The following DACT2 variants were observed in gnomAD, a reference collection of about 807,000 sequenced individuals.
DACT2 encodes the protein dapper homolog 2.
In DACT2, 20 loss-of-function variants were observed where a neutral mutation model predicts 22.2. The ratio of observed to expected loss-of-function variants is 0.90; its 90% CI spans 0.63 to 1.31. The LOEUF is 1.31. Among genes scored for constraint, DACT2 ranks in the 50% most tolerant of loss-of-function variants. DACT2 has a pLI of 0.00. For missense variants in DACT2, 1,048 were observed against 1,061.4 expected (o/e 0.99, Z 0.18); for synonymous variants, 463 against 479.8 (o/e 0.96, Z 0.46).
Position 168,309,403 on chromosome 6 carries a change from G to A in DACT2, c.659-305C>T, listed in dbSNP as rs566553924. Among the ~76,000 whole-genome samples, 266 of 152,122 alleles carry A rather than the reference G, an allele frequency of 1.7e-3. 2 individuals carry two copies. The highest frequency in any genetic ancestry group is 0.016 in the South Asian group (76 of 4,822). Reference sequence around the variant, plus strand: ...TGGGGCCCGTCTGCATCTAGACACCGCACAGGGCCGTTTGCGTGTAGACAC... The same window carrying A: ...TGGGGCCCGTCTGCATCTAGACACCACACAGGGCCGTTTGCGTGTAGACAC... On this transcript the variant is annotated intron_variant, in intron 3 of 3. Coordinates refer to ENST00000366795, the MANE Select transcript of DACT2 (RefSeq NM_214462.5).
chr6:168,312,918 C>T (rs1048380898), intron 1 of DACT2, among the ~76,000 whole-genome samples: 6 of 152,158 alleles, frequency 3.9e-5, no homozygotes, highest in Admixed American at 1.3e-4. Context: ...ACTATCAGCA[C>T]GGGTGAGGGG....
downstream of DACT2, among the ~76,000 whole-genome samples, chr6:168,304,193 C>T (rs1779158880): frequency 6.6e-6 from 1 of 152,224 alleles, no homozygotes; most frequent in Non-Finnish European, 1.5e-5. Context: ...AGGCCACGCT[C>T]TGCCTTAGTG....
intron 3 of DACT2, chr6:168,298,660 C>T (rs1341186449): frequency 6.6e-6 from 1 of 152,202 alleles, no homozygotes; most frequent in Non-Finnish European, 1.5e-5. Context: ...AATGACCTAG[C>T]GTAGCTACTG....
chr6:168,307,849 G>T lies in DACT2; in HGVS notation c.1908C>A (p.Ala636=). The T allele has an allele frequency of 6.5e-7, 1 of 1,538,176 alleles. No homozygotes were observed. ...GGGCCAGTGGGCCACCTGCTCTCCTGGCCACGGGCCTGGGGGGCCCCAGGT... is the reference window on the plus strand; with the variant it reads ...GGGCCAGTGGGCCACCTGCTCTCCTTGCCACGGGCCTGGGGGGCCCCAGGT... ...ESNLGPPRPV[A]RRAGGPLARG... is the part of the protein sequence containing the mutation. Residue 636 remains alanine, a synonymous_variant, in exon 4 of 4, where the codon GCC becomes GCA. Coordinates refer to ENST00000366795, the MANE Select transcript of DACT2 (RefSeq NM_214462.5). The surrounding 1 kb of genome is among the most constrained non-coding windows in gnomAD (Gnocchi z 5.3).
chr6:168,310,198 C>T lies in DACT2; in HGVS notation c.628G>A (p.Gly210Ser). 1 of 1,550,664 alleles carries T rather than the reference C, an allele frequency of 6.4e-7. No homozygotes were observed. Among genetic ancestry groups the T allele is most frequent in the Non-Finnish European group, 8.7e-7 (1 of 1,146,962 alleles). Residue 210 changes from glycine to serine, a missense_variant, in exon 3 of 4, where the codon GGC becomes AGC. By Grantham distance (56) the Gly-to-Ser change is moderately conservative (BLOSUM62 0). Coordinates refer to ENST00000366795, the MANE Select transcript of DACT2 (RefSeq NM_214462.5). ...GACACAGGCCTGGGCCAGAATGTGCCCCACGGCTGGCCTGCATCCTCCACG... is the reference window on the plus strand; with the variant it reads ...GACACAGGCCTGGGCCAGAATGTGCTCCACGGCTGGCCTGCATCCTCCACG... ...GSVEDAGQPW[G>S]TFWPRPVSTG...
intron 1 of DACT2, among the ~76,000 whole-genome samples, chr6:168,314,585 C>T (rs768022963): frequency 1.3e-5 from 2 of 152,344 alleles, no homozygotes; most frequent in Non-Finnish European, 2.9e-5. Flanking sequence ...GCAATGCATT[C>T]TTTACGCACC....
chr6:168,318,868 T>C (rs1408781492), intron 1 of DACT2, among the ~76,000 whole-genome samples: 1 of 152,140 alleles, frequency 6.6e-6, no homozygotes, highest in Non-Finnish European at 1.5e-5. Context: ...TTTATTACAG[T>C]GACGCGACCT....
rs527368737 is a variant in DACT2 at position 168,310,409 on chromosome 6, C to T, written c.417G>A (p.Leu139=). The change falls in exon 3 of 4, where the codon CTG becomes CTA. Residue 139 remains leucine, a synonymous_variant. Transcript: ENST00000366795. ...YEMSDGGSCS[L]STSCASVCSD... ...TGCAGACGGAGGCACAGGACGTGGA[C>T]AGGGAGCAGGATCCACCGTCGCTCA... 53 of 1,551,514 alleles carry T rather than the reference C, an allele frequency of 3.4e-5. No individual in the cohort carries two copies. The highest frequency in any genetic ancestry group is 1.6e-4 in the African/African-American group (12 of 73,180).
intron 1 of DACT2, among the ~76,000 whole-genome samples, chr6:168,311,682 TCACACA>T (rs1175268432): frequency 6.9e-6 from 1 of 145,180 alleles, no homozygotes; most frequent in Non-Finnish European, 1.5e-5. Flanking sequence ...ACACACACAC[TCACACA>T]CACACATACA....
downstream of DACT2, among the ~76,000 whole-genome samples, chr6:168,302,996 T>C (rs1212886299): frequency 6.6e-6 from 1 of 152,192 alleles, no homozygotes; most frequent in African/African-American, 2.4e-5. Flanking sequence ...TAAAAATAAA[T>C]ATACTTTTTA....
downstream of DACT2, among the ~76,000 whole-genome samples, chr6:168,306,260 A>C (rs1292003665): frequency 1.3e-5 from 2 of 152,116 alleles, no homozygotes; most frequent in African/African-American, 4.8e-5. Flanking sequence ...CCTTCATGTA[A>C]AATTCTTTTA....
chr6:168,294,338 C>G (rs2114889842), intron 4 of DACT2: 1 of 668,704 alleles, frequency 1.5e-6, no homozygotes, highest in Non-Finnish European at 2.7e-6. Context: ...CACGCTTCTC[C>G]CCTCCTAGTC....
At chr6:168,297,912 C>A (rs564856919) in intron 3 of DACT2, among the ~76,000 whole-genome samples, 6 of 152,194 alleles carry the variant, frequency 3.9e-5, no homozygotes, top group African/African-American at 1.2e-4. Context: ...CGGGTGGGTC[C>A]GTGTCCCAGC....
At chr6:168,318,005 G>T (rs1779555514) in intron 1 of DACT2, among the ~76,000 whole-genome samples, 1 of 117,518 alleles carries the variant, frequency 8.5e-6, no homozygotes, top group Admixed American at 7.9e-5. Context: ...ACACGTCTGT[G>T]GCTGTCGTGT....
rs748989705 is a variant in DACT2, at chr6:168,311,170, C to T, written c.361G>A (p.Asp121Asn). The part of the protein sequence containing the change: ...GTASGEALDS[D>N]SRPSSGFYEM... ...CTGGTACCTGAGCTGGGCCTGCTGT[C>T]GCTGTCCAGGGCCTCCCCTGAGGCT... Residue 121 changes from aspartate to asparagine, a missense_variant, in exon 2 of 4, where the codon GAC becomes AAC. Transcript: ENST00000366795. The T allele has an allele frequency of 1.0e-5, 16 of 1,535,242 alleles. No individual in the cohort carries two copies. The highest frequency in any genetic ancestry group is 5.9e-5 in the Admixed American group (3 of 50,722).
At chr6:168,294,793 C>A in intron 3 of DACT2, 2 of 491,090 alleles carry the variant, frequency 4.1e-6, no homozygotes, top group South Asian at 6.7e-5. Flanking sequence ...TTCAATGATT[C>A]TGCATGCAAC....
Position 168,308,792 on chromosome 6 carries a change from A to C in DACT2, c.965T>G (p.Val322Gly), listed in dbSNP as rs548772905. The C allele has an allele frequency of 6.4e-7, 1 of 1,551,210 alleles. No individual in the cohort carries two copies. The highest frequency in any genetic ancestry group is 1.4e-5 in the African/African-American group (1 of 73,014). ...GGCCCTGGCCGGGCCAGCCTCGAGGACCGGCCCAGTCTGGATGGTGTTCAG... is the reference window on the plus strand; with the variant it reads ...GGCCCTGGCCGGGCCAGCCTCGAGGCCCGGCCCAGTCTGGATGGTGTTCAG... Reference protein sequence around the residue: ...AGLNTIQTGPVLEAGPARARA... With the variant: ...AGLNTIQTGPGLEAGPARARA... Residue 322 changes from valine (V) to glycine (G), a missense_variant, in exon 4 of 4, where the codon GTC becomes GGC. Transcript: ENST00000366795.
At chr6:168,311,702 A>C (rs1415047908) in intron 1 of DACT2, among the ~76,000 whole-genome samples, 1 of 152,030 alleles carries the variant, frequency 6.6e-6, no homozygotes, top group Non-Finnish European at 1.5e-5. Context: ...ACATACACAC[A>C]TGGGTTTTCT....
At chr6:168,292,967 T>C (rs1342168385) in exon 6 of DACT2, 2 of 152,170 alleles carry the variant, frequency 1.3e-5, no homozygotes, top group Admixed American at 1.3e-4. Context: ...ATTTCTTCTA[T>C]GAACATAAGA....
Sources: gnomAD v4.1 joint callset for allele counts (sites outside exome capture counted in the v4.1 genomes callset) on GRCh38, gnomAD v4.1.1 for gene constraint, Gnocchi (gnomAD v3.1) non-coding constraint, MANE v1.5 for transcripts, NCBI Gene and HGNC (gene_info 2026-07-23, HGNC 2026-07-21) for gene names.